The following GLT1D1 variants were observed in gnomAD, a reference collection of about 807,000 sequenced individuals.
GLT1D1 encodes glycosyltransferase 1 domain-containing protein 1.
In GLT1D1, 21 loss-of-function variants were observed where a neutral mutation model predicts 28.7. The ratio of observed to expected loss-of-function variants is 0.73; its 90% confidence interval spans 0.52 to 1.05. The LOEUF (loss-of-function observed/expected upper bound fraction) is 1.05. Among genes scored for constraint, GLT1D1 ranks in the 50% least tolerant of loss-of-function variants. The pLI is 0.00. For synonymous variants in GLT1D1, 147 were observed against 124.8 expected, an observed-to-expected ratio of 1.18 and a Z score of -1.19; for missense variants, 343 against 330.6, an observed-to-expected ratio of 1.04 and a Z score of -0.29.
rs752554993 is a variant in GLT1D1, at chr12:128,853,590, C to T, written c.9C>T (p.Leu3=). Residue 3 remains leucine (L), a synonymous_variant, in exon 1 of 8, where the codon CTC becomes CTT. Transcript: ENST00000281703. Reference sequence around the variant, plus strand: ...CGGGCGGCGGCGGCGGCATGCGGCTCCTGTTCCTGGCGGTGCTGCGGCCAC... The same window carrying T: ...CGGGCGGCGGCGGCGGCATGCGGCTTCTGTTCCTGGCGGTGCTGCGGCCAC... 2.2e-4 allele frequency: 255 copies of T among 1,154,664 alleles called. No individual in the cohort carries two copies. Among genetic ancestry groups the T allele is most frequent in the Non-Finnish European group, 2.5e-4 (232 of 929,528 alleles). 71.5% of individuals were successfully genotyped at this position (1,154,664 alleles called of 1,614,324 possible).
At chr12:128,947,151 C>T in intron 5 of GLT1D1, 187 bp from the exon 10 acceptor site, 1 of 632,108 alleles carries the variant, frequency 1.6e-6, no homozygotes, top group Non-Finnish European at 2.8e-6. Context: ...AACTCCCTCC[C>T]TCCCTTGTCA....
intron 4 of GLT1D1, among the ~76,000 whole-genome samples, chr12:128,941,573 T>TTC (rs1162673916): frequency 1.4e-5 from 2 of 145,480 alleles, no homozygotes; most frequent in East Asian, 4.0e-4. Context: ...CTTTCTCTTT[T>TTC]TTTTTTTTTT....
rs1015067593 is a variant in GLT1D1 at position 128,960,188 on chromosome 12, T to TA, written c.639+2553dup. Among the ~76,000 whole-genome samples the TA allele has an allele frequency of 2.3e-3, 349 of 152,074 alleles. 4 individuals are homozygous for TA. Among genetic ancestry groups the TA allele is most frequent in the Middle Eastern group, 3.4e-3 (1 of 294 alleles). Reference sequence around the variant, plus strand: ...TTCGTGTTCATTTCACAAAGGATGTTAAAAAAAATAGAACTCTTCTGGTTT... The same window carrying TA: ...TTCGTGTTCATTTCACAAAGGATGTTAAAAAAAAATAGAACTCTTCTGGTTT... On this transcript the variant is annotated intron_variant, in intron 7 of 7. Coordinates refer to ENST00000281703, the MANE Select transcript of GLT1D1 (RefSeq NM_144669.3).
chr12:128,944,010 C>T (rs1875699221), intron 4 of GLT1D1, among the ~76,000 whole-genome samples: 1 of 152,148 alleles, frequency 6.6e-6, no homozygotes, highest in South Asian at 2.1e-4. Context: ...TTTGCTCCAA[C>T]AGATGTTTTA....
intron 1 of GLT1D1, among the ~76,000 whole-genome samples, chr12:128,873,972 T>TTTC (rs1956767771): frequency 7.6e-6 from 1 of 130,830 alleles, no homozygotes; most frequent in African/African-American, 3.1e-5. Flanking sequence ...TGTCTTTTTC[T>TTTC]TTTCTTTTCT....
rs192321358 is a variant in GLT1D1 at position 128,873,715 on chromosome 12, A to T, written c.69-2199A>T. On this transcript the variant is annotated intron_variant, in intron 1 of 7. Coordinates refer to ENST00000281703, the MANE Select transcript of GLT1D1 (RefSeq NM_144669.3). ...TTTACAGATTTTCTGGATTAAAAAG[A>T]TGGCTGATATTGAGCATCATTTTCT... is the stretch of plus-strand genomic sequence containing the variant. Among the ~76,000 whole-genome samples, 40 of 152,314 alleles carry T rather than the reference A, an allele frequency of 2.6e-4. No individual in the cohort carries two copies. In the East Asian group the frequency reaches 7.7e-3, roughly 29 times the overall value.
At chr12:128,955,441 G>A (rs1163806723) in intron 6 of GLT1D1, among the ~76,000 whole-genome samples, 1 of 151,940 alleles carries the variant, frequency 6.6e-6, no homozygotes, top group Non-Finnish European at 1.5e-5. Context: ...GAAGACATGA[G>A]CATGCCTGAG....
chr12:128,874,094 TTCTTTC>T (rs1455727432), intron 1 of GLT1D1, among the ~76,000 whole-genome samples: 66 of 26,352 alleles, frequency 2.5e-3, no homozygotes, highest in Admixed American at 3.6e-3. Flanking sequence ...CTTTCTTTCT[TTCTTTC>T]TCTCTCTCTC....
intron 1 of GLT1D1, among the ~76,000 whole-genome samples, chr12:128,853,898 C>T (rs1429569727): frequency 6.6e-6 from 1 of 152,166 alleles, no homozygotes; most frequent in Non-Finnish European, 1.5e-5. Context: ...CCGGAGGGGA[C>T]TGAGCAGGTG....
chr12:128,944,955 A>ACTC (rs1875834606), intron 4 of GLT1D1: 1 of 544,122 alleles, frequency 1.8e-6, no homozygotes, highest in Non-Finnish European at 3.3e-6. Context: ...CCAGCCCCCG[A>ACTC]CCCCCAACAG....
At chr12:128,956,530 T>TA (rs1877333733) in intron 6 of GLT1D1, among the ~76,000 whole-genome samples, 2 of 152,174 alleles carry the variant, frequency 1.3e-5, no homozygotes, top group African/African-American at 4.8e-5. Flanking sequence ...CGATGACCTT[T>TA]TACTCAATGG....
chr12:128,908,818 G>A (rs1179450619), intron 4 of GLT1D1, among the ~76,000 whole-genome samples: 3 of 152,178 alleles, frequency 2.0e-5, no homozygotes, highest in Non-Finnish European at 4.4e-5. Context: ...GCGTGGTGAC[G>A]GGCGCCTGTA....
intron 4 of GLT1D1, among the ~76,000 whole-genome samples, chr12:128,939,884 C>T (rs897221408): frequency 9.3e-5 from 14 of 150,654 alleles, no homozygotes; most frequent in Admixed American, 4.7e-4. Context: ...GCCCCACCTC[C>T]AACAATGGGG....
At chr12:128,959,412 G>GGGCGGC (rs1555219949) in intron 7 of GLT1D1, among the ~76,000 whole-genome samples, 2 of 17,680 alleles carry the variant, frequency 1.1e-4, no homozygotes, top group South Asian at 2.4e-3. Context: ...ATGAGGCAGT[G>GGGCGGC]GGGGGGGACG....
chr12:128,937,956 A>G (rs951110989), intron 4 of GLT1D1, among the ~76,000 whole-genome samples: 6 of 152,208 alleles, frequency 3.9e-5, no homozygotes, highest in Non-Finnish European at 5.9e-5. Flanking sequence ...ACAGACGAAT[A>G]CGGACACGGT....
At chr12:128,877,474 C>T (rs1239490122) in intron 2 of GLT1D1, among the ~76,000 whole-genome samples, 1 of 152,190 alleles carries the variant, frequency 6.6e-6, no homozygotes, top group Non-Finnish European at 1.5e-5. Flanking sequence ...CCTCCTGTTC[C>T]ACAGGAAGTT....
chr12:128,875,799 T>A, intron 1 of GLT1D1, 115 bp from the exon 2 acceptor site: 1 of 996,660 alleles, frequency 1.0e-6, no homozygotes. Flanking sequence ...AAACTCTGTC[T>A]CAACAACAAC....
At chr12:128,934,983 GTC>G (rs1874393233) in intron 4 of GLT1D1, among the ~76,000 whole-genome samples, 1 of 152,000 alleles carries the variant, frequency 6.6e-6, no homozygotes, top group African/African-American at 2.4e-5. Context: ...GGTCCTGGAA[GTC>G]TCTGTCATTC....
intron 4 of GLT1D1, among the ~76,000 whole-genome samples, chr12:128,924,368 A>C (rs1872967114): frequency 6.6e-6 from 1 of 151,474 alleles, no homozygotes; most frequent in Admixed American, 6.6e-5. Context: ...TGGAGGTTGC[A>C]CTGAGCCGAG....
Sources: gnomAD v4.1 joint callset for allele counts (sites outside exome capture counted in the v4.1 genomes callset) on GRCh38, gnomAD v4.1.1 for gene constraint, MANE v1.5 for transcripts, NCBI Gene and HGNC (gene_info 2026-07-23, HGNC 2026-07-21) for gene names.